Variants in LRRC70 observed in about 807,000 individuals in gnomAD.
LRRC70 encodes leucine rich repeat containing 70.
In LRRC70, 31 loss-of-function variants were observed where a neutral mutation model predicts 42.4. The observed-to-expected ratio is 0.73, with a 90% CI of 0.55 to 0.99. The LOEUF is 0.99. Ranked by LOEUF, LRRC70 falls within the 50% of genes least tolerant of loss-of-function variation. The pLI is 0.00. For missense variants in LRRC70, 643 were observed against 707.5 expected, an observed-to-expected ratio of 0.91 and a Z score of 1.03; for synonymous variants, 270 against 262.9, an observed-to-expected ratio of 1.03 and a Z score of -0.26.
Position 62,578,824 on chromosome 5 carries a change from G to C in LRRC70, c.-150G>C. 2 of 415,446 alleles carry C rather than the reference G, an allele frequency of 4.8e-6. No individual in the cohort carries two copies. The highest frequency in any genetic ancestry group is 9.6e-6 in the Non-Finnish European group (2 of 208,642). The allele number at this position is 415,446 out of a possible 1,614,324, so 25.7% of individuals were successfully genotyped here. ...AAAAAAAAAAAAGTGGTGGGGTGGA[G>C]GTCAGCAGTGCCACAGAACAAACTG... On this transcript the variant is annotated 5_prime_UTR_variant, in exon 1 of 2. Transcript: ENST00000334994.
At position 62,579,840 on chromosome 5, in the gene LRRC70, T is replaced by C; in HGVS notation, c.402T>C (p.Leu134=). 1 of 1,548,276 alleles carries C rather than the reference T, an allele frequency of 6.5e-7. No homozygotes were observed. Among genetic ancestry groups the C allele is most frequent in the East Asian group, 2.4e-5 (1 of 40,872 alleles). ...DPGIFKGLLN[L]RNLYLQYNQV... ...GAATATTTAAGGGACTTTTAAATCT[T>C]CGTAATTTATATTTACAGTATAATC... Residue 134 remains leucine, a synonymous_variant, in exon 2 of 2, where the codon CTT becomes CTC. Transcript: ENST00000334994.
Position 62,579,896 on chromosome 5 carries a change from A to G in LRRC70, c.458A>G (p.Asn153Ser). The G allele has an allele frequency of 6.4e-7, 1 of 1,551,096 alleles. No individual in the cohort carries two copies. The highest frequency in any genetic ancestry group is 8.7e-7 in the Non-Finnish European group (1 of 1,146,574). ...TCTTTTGTTCCGAGAGGAGTATTTA[A>G]TGATCTAGTTTCAGTTCAGTACTTA... is the stretch of plus-strand genomic sequence containing the variant. Reference protein sequence around the residue: ...QVSFVPRGVFNDLVSVQYLNL... With the variant: ...QVSFVPRGVFSDLVSVQYLNL... The change falls in exon 2 of 2, where the codon AAT becomes AGT. Residue 153 changes from asparagine (N) to serine (S), a missense_variant. By Grantham distance (46) the Asn-to-Ser change is conservative. Coordinates refer to ENST00000334994, the MANE Select transcript of LRRC70 (RefSeq NM_181506.5).
Position 62,581,108 on chromosome 5 carries a change from A to G in LRRC70, c.1670A>G (p.Lys557Arg). Residue 557 changes from lysine to arginine, a missense_variant, in exon 2 of 2, where the codon AAG becomes AGG. Lys to Arg is a conservative substitution (Grantham distance 26). Coordinates refer to ENST00000334994, the MANE Select transcript of LRRC70 (RefSeq NM_181506.5). ...YKVVQFKQKLKASENSRENRL... is the reference protein window; with the variant it reads ...YKVVQFKQKLRASENSRENRL... The stretch of plus-strand genomic sequence containing the variant: ...GTTGTTCAGTTTAAACAAAAACTAA[A>G]GGCATCAGAAAACTCAAGGGAAAAT... 6.5e-7 allele frequency: 1 copy of G among 1,549,498 alleles called. No homozygotes were observed. Among genetic ancestry groups the G allele is most frequent in the Non-Finnish European group, 8.7e-7 (1 of 1,146,380 alleles).
chr5:62,580,154 C>G lies in LRRC70; in HGVS notation c.716C>G (p.Pro239Arg). 1 of 1,551,070 alleles carries G rather than the reference C, an allele frequency of 6.4e-7. No individual in the cohort carries two copies. The highest frequency in any genetic ancestry group is 8.7e-7 in the Non-Finnish European group (1 of 1,146,602). The change falls in exon 2 of 2, where the codon CCT becomes CGT. Residue 239 changes from proline to arginine, a missense_variant. Coordinates refer to ENST00000334994, the MANE Select transcript of LRRC70 (RefSeq NM_181506.5). ...SLRRLSLSHNPIEAIQPFAFK... is the reference protein window; with the variant it reads ...SLRRLSLSHNRIEAIQPFAFK... ...AGAAGACTTTCTTTGTCTCATAATC[C>G]TATTGAAGCAATACAGCCCTTTGCA...
At position 62,580,183 on chromosome 5, in the gene LRRC70, AAAGG is replaced by A; in HGVS notation, c.747_750del (p.Lys249AsnfsTer10). ...TGAAGCAATACAGCCCTTTGCATTT[AAAGG>A]ACTTGCCAATCTGGAATACCTCCTC... On this transcript the variant is annotated frameshift_variant, in exon 2 of 2. Transcript: ENST00000334994. LOFTEE classifies it high-confidence loss of function. The A allele has an allele frequency of 6.4e-7, 1 of 1,551,236 alleles. No homozygotes were observed. The highest frequency in any genetic ancestry group is 2.4e-5 in the East Asian group (1 of 40,880).
chr5:62,580,645 A>G lies in LRRC70; in HGVS notation c.1207A>G (p.Asn403Asp), dbSNP rs1580348350. 6.4e-7 allele frequency: 1 copy of G among 1,551,472 alleles called. No individual in the cohort carries two copies. ...AGCATTACGTTATATTAACATTACAAATTGTGTTACATCTTCAATAAATGT... is the reference window on the plus strand; with the variant it reads ...AGCATTACGTTATATTAACATTACAGATTGTGTTACATCTTCAATAAATGT... Reference protein sequence around the residue: ...GRALRYINITNCVTSSINVSR... With the variant: ...GRALRYINITDCVTSSINVSR... Residue 403 changes from asparagine (N) to aspartate (D), a missense_variant, in exon 2 of 2, where the codon AAT becomes GAT. Transcript: ENST00000334994.
At chr5:62,579,310 A>G (rs1013438873) in intron 1 of LRRC70, 91 bp from the exon 2 acceptor site, 15 of 838,852 alleles carry the variant, frequency 1.8e-5, no homozygotes, top group South Asian at 1.5e-4. Flanking sequence ...GCTGATCCTA[A>G]TTAAAATAGA....
In LRRC70 at chr5:62,581,075, T is replaced by C; in HGVS notation, c.1637T>C (p.Ile546Thr). 6.5e-7 allele frequency: 1 copy of C among 1,548,758 alleles called. No homozygotes were observed. The highest frequency in any genetic ancestry group is 1.4e-5 in the African/African-American group (1 of 72,842). ...ILACVLIIFL[I>T]YKVVQFKQKL... Reference sequence around the variant, plus strand: ...GCTTGTGTTTTAATCATTTTTTTGATCTACAAAGTTGTTCAGTTTAAACAA... The same window carrying C: ...GCTTGTGTTTTAATCATTTTTTTGACCTACAAAGTTGTTCAGTTTAAACAA... The change falls in exon 2 of 2, where the codon ATC becomes ACC. Residue 546 changes from isoleucine (I) to threonine (T), a missense_variant. Ile to Thr is a moderately conservative substitution (Grantham distance 89). Transcript: ENST00000334994.
At position 62,580,165 on chromosome 5, in the gene LRRC70, A is replaced by G; in HGVS notation, c.727A>G (p.Ile243Val). 1 of 1,551,236 alleles carries G rather than the reference A, an allele frequency of 6.4e-7. No homozygotes were observed. The change falls in exon 2 of 2, where the codon ATA becomes GTA. Residue 243 changes from isoleucine to valine, a missense_variant. Physicochemically the swap from Ile to Val is conservative, Grantham distance 29. Transcript: ENST00000334994. ...LSLSHNPIEA[I>V]QPFAFKGLAN... ...TTTGTCTCATAATCCTATTGAAGCA[A>G]TACAGCCCTTTGCATTTAAAGGACT...
rs1234170970 is a variant in LRRC70 at position 62,579,938 on chromosome 5, G to T, written c.500G>T (p.Arg167Leu). The change falls in exon 2 of 2, where the codon CGC becomes CTC. Residue 167 changes from arginine (R) to leucine (L), a missense_variant. By Grantham distance (102) the Arg-to-Leu change is moderately radical. Coordinates refer to ENST00000334994, the MANE Select transcript of LRRC70 (RefSeq NM_181506.5). The part of the protein sequence containing the change: ...SVQYLNLQRN[R>L]LTVLGSGTFV... Reference sequence around the variant, plus strand: ...CAGTACTTAAATCTACAAAGGAATCGCCTCACTGTCCTTGGGAGTGGTACC... The same window carrying T: ...CAGTACTTAAATCTACAAAGGAATCTCCTCACTGTCCTTGGGAGTGGTACC... 5.8e-6 allele frequency: 9 copies of T among 1,551,212 alleles called. No individual in the cohort carries two copies. The highest frequency in any genetic ancestry group is 6.1e-6 in the Non-Finnish European group (7 of 1,146,722).
chr5:62,580,700 C>G lies in LRRC70; in HGVS notation c.1262C>G (p.Pro421Arg), dbSNP rs1196483988. 1 of 1,551,418 alleles carries G rather than the reference C, an allele frequency of 6.4e-7. No homozygotes were observed. Among genetic ancestry groups the G allele is most frequent in the Non-Finnish European group, 8.7e-7 (1 of 1,146,824 alleles). ...VSRAWAVVKS[P>R]HIHHKTTALM... ...AGAGCTTGGGCTGTTGTAAAATCTC[C>G]TCATATTCATCACAAGACTACTGCG... The change falls in exon 2 of 2, where the codon CCT becomes CGT. Residue 421 changes from proline (P) to arginine (R), a missense_variant. Physicochemically the swap from Pro to Arg is moderately radical, Grantham distance 103. Coordinates refer to ENST00000334994, the MANE Select transcript of LRRC70 (RefSeq NM_181506.5).
chr5:62,579,638 T>A lies in LRRC70; in HGVS notation c.200T>A (p.Leu67Gln). Reference sequence around the variant, plus strand: ...CCTGAAAGTACAGTTTTTCTGTATCTGACTGGGAATAATATATCTTATATA... The same window carrying A: ...CCTGAAAGTACAGTTTTTCTGTATCAGACTGGGAATAATATATCTTATATA... ...NFPESTVFLY[L>Q]TGNNISYINE... is the part of the protein sequence containing the mutation. The change falls in exon 2 of 2, where the codon CTG (leucine) becomes CAG (glutamine). Residue 67 changes from leucine (L) to glutamine (Q), a missense_variant. Transcript: ENST00000334994. 6.5e-7 allele frequency: 1 copy of A among 1,549,666 alleles called. No individual in the cohort carries two copies. The highest frequency in any genetic ancestry group is 8.7e-7 in the Non-Finnish European group (1 of 1,145,856).
Position 62,580,166 on chromosome 5 carries a change from T to C in LRRC70, c.728T>C (p.Ile243Thr). 2.6e-6 allele frequency: 4 copies of C among 1,551,208 alleles called. No homozygotes were observed. Among genetic ancestry groups the C allele is most frequent in the Non-Finnish European group, 3.5e-6 (4 of 1,146,678 alleles). Residue 243 changes from isoleucine (I) to threonine (T), a missense_variant, in exon 2 of 2, where the codon ATA becomes ACA. Coordinates refer to ENST00000334994, the MANE Select transcript of LRRC70 (RefSeq NM_181506.5). ...LSLSHNPIEA[I>T]QPFAFKGLAN... is the part of the protein sequence containing the mutation. ...TTGTCTCATAATCCTATTGAAGCAATACAGCCCTTTGCATTTAAAGGACTT... is the reference window on the plus strand; with the variant it reads ...TTGTCTCATAATCCTATTGAAGCAACACAGCCCTTTGCATTTAAAGGACTT...
chr5:62,579,759 G>A lies in LRRC70; in HGVS notation c.321G>A (p.Leu107=), dbSNP rs1290101985. 1.2e-5 allele frequency: 19 copies of A among 1,544,936 alleles called. No homozygotes were observed. Among genetic ancestry groups the A allele is most frequent in the Non-Finnish European group, 1.7e-5 (19 of 1,142,746 alleles). ...TATATCCAAAAGCCTTTGTTCAATT[G>A]AGGCATCTATATTTTCTATTTCTAA... The part of the protein sequence containing the change: ...LYVYPKAFVQ[L]RHLYFLFLNN... The change falls in exon 2 of 2, where the codon TTG becomes TTA. Residue 107 remains leucine (L), a synonymous_variant. Coordinates refer to ENST00000334994, the MANE Select transcript of LRRC70 (RefSeq NM_181506.5).
Position 62,580,406 on chromosome 5 carries a change from T to C in LRRC70, c.968T>C (p.Met323Thr), listed in dbSNP as rs1744505804. Residue 323 changes from methionine to threonine, a missense_variant, in exon 2 of 2, where the codon ATG becomes ACG. Physicochemically the swap from Met to Thr is moderately conservative, Grantham distance 81. Transcript: ENST00000334994. ...ATTGATAATGATACATTTGAAAATA[T>C]GGGAGCATCTTTGAAGATCCTTAAT... ...ISIDNDTFEN[M>T]GASLKILNLS... is the part of the protein sequence containing the mutation. 2 of 1,551,176 alleles carry C rather than the reference T, an allele frequency of 1.3e-6. No individual in the cohort carries two copies. The highest frequency in any genetic ancestry group is 2.7e-5 in the African/African-American group (2 of 73,138).
Position 62,580,927 on chromosome 5 carries a change from GA to G in LRRC70, c.1496del (p.Asn499ThrfsTer17), listed in dbSNP as rs1744531412. On this transcript the variant is annotated frameshift_variant, in exon 2 of 2. Transcript: ENST00000334994. LOFTEE classifies it high-confidence loss of function. ...QLTTSVTLNL[E>X]KNSALPNDAA... ...TACTACTTCTGTTACCTTGAACTTGGAAAAAAACAGTGCTCTACCGAATGAT... is the reference window on the plus strand; with the variant it reads ...TACTACTTCTGTTACCTTGAACTTGGAAAAAACAGTGCTCTACCGAATGAT... The G allele has an allele frequency of 1.9e-6, 3 of 1,550,588 alleles. No homozygotes were observed. Among genetic ancestry groups the G allele is most frequent in the Non-Finnish European group, 1.7e-6 (2 of 1,146,582 alleles).
intron 1 of LRRC70, 82 bp from the exon 2 acceptor site, chr5:62,579,319 G>T (rs1744449017): frequency 1.1e-6 from 1 of 871,130 alleles, no homozygotes; most frequent in Admixed American, 2.2e-5. Context: ...AATTAAAATA[G>T]AATACAGAAG....
rs1744474655 is a variant in LRRC70, at chr5:62,579,818, T to C, written c.380T>C (p.Ile127Thr). The change falls in exon 2 of 2, where the codon ATA becomes ACA. Residue 127 changes from isoleucine to threonine, a missense_variant. By Grantham distance (89) the Ile-to-Thr change is moderately conservative. Coordinates refer to ENST00000334994, the MANE Select transcript of LRRC70 (RefSeq NM_181506.5). ...TTCATCAAACGCTTAGATCCTGGAA[T>C]ATTTAAGGGACTTTTAAATCTTCGT... Reference protein sequence around the residue: ...NNFIKRLDPGIFKGLLNLRNL... With the variant: ...NNFIKRLDPGTFKGLLNLRNL... 3 of 1,545,606 alleles carry C rather than the reference T, an allele frequency of 1.9e-6. No homozygotes were observed. Among genetic ancestry groups the C allele is most frequent in the Non-Finnish European group, 2.6e-6 (3 of 1,142,936 alleles).
Position 62,580,671 on chromosome 5 carries a change from AT to A in LRRC70, c.1234del (p.Ser412ProfsTer7), listed in dbSNP as rs755070330. The part of the protein sequence containing the change: ...TNCVTSSINV[S>X]RAWAVVKSPH... ...ATTGTGTTACATCTTCAATAAATGTATCCAGAGCTTGGGCTGTTGTAAAATC... is the reference window on the plus strand; with the variant it reads ...ATTGTGTTACATCTTCAATAAATGTACCAGAGCTTGGGCTGTTGTAAAATC... On this transcript the variant is annotated frameshift_variant, in exon 2 of 2. Transcript: ENST00000334994. LOFTEE classifies it high-confidence loss of function. 3.5e-5 allele frequency: 55 copies of A among 1,551,524 alleles called. No individual in the cohort carries two copies. Among genetic ancestry groups the A allele is most frequent in the East Asian group, 3.4e-4 (14 of 40,920 alleles).
Sources: allele counts gnomAD v4.1 joint callset, GRCh38; gene constraint gnomAD v4.1.1; transcripts MANE v1.5; gene names NCBI Gene and HGNC (gene_info 2026-07-23, HGNC 2026-07-21).